The following PRKCA variants were observed in gnomAD, a reference collection of about 807,000 sequenced individuals.
The protein encoded by PRKCA is protein kinase C alpha type.
A neutral mutation model predicts 87.0 loss-of-function variants in PRKCA; 27 were observed. The observed-to-expected ratio is 0.31, with a 90% CI of 0.23 to 0.43. PRKCA has a LOEUF of 0.43. Ranked by LOEUF, PRKCA falls within the 20% of genes least tolerant of loss-of-function variation. The probability of loss-of-function intolerance (pLI) is 1.00; values close to 1 mark genes in which losing one functional copy is unlikely to be tolerated. For missense variants in PRKCA, 518 were observed against 852.3 expected (o/e 0.61, Z 4.88); for synonymous variants, 329 against 311.1 (o/e 1.06, Z -0.61).
At chr17:66,333,810 A>G (rs1192061635) in intron 2 of PRKCA, among the ~76,000 whole-genome samples, 3 of 152,096 alleles carry the variant, frequency 2.0e-5, no homozygotes, top group Non-Finnish European at 2.9e-5. Flanking sequence ...GTAACTTCGG[A>G]GAGTCTTTAG....
At chr17:66,411,858 C>CG (rs201049209) in intron 2 of PRKCA, among the ~76,000 whole-genome samples, 18,838 of 151,452 alleles carry the variant, frequency 0.12, 1,518 homozygotes, top group East Asian at 0.28. Flanking sequence ...AGCAATGGGC[C>CG]GCCTACTTTC....
At chr17:66,380,374 T>C (rs1043426045) in intron 2 of PRKCA, among the ~76,000 whole-genome samples, 1 of 152,152 alleles carries the variant, frequency 6.6e-6, no homozygotes, top group Admixed American at 6.5e-5. Context: ...ATAATTCCCT[T>C]TTCAAAAATG....
intron 2 of PRKCA, among the ~76,000 whole-genome samples, chr17:66,434,303 A>G (rs2143842878): frequency 6.6e-6 from 1 of 152,034 alleles, no homozygotes; most frequent in South Asian, 2.1e-4. Flanking sequence ...TCTTCATTAG[A>G]CTTTACAATG....
chr17:66,394,667 T>C (rs1394455792), intron 2 of PRKCA, among the ~76,000 whole-genome samples: 4 of 152,168 alleles, frequency 2.6e-5, no homozygotes, highest in African/African-American at 9.7e-5. Context: ...TCATCTTGAA[T>C]TGTAATCCCC....
rs117758745 is a variant in PRKCA at position 66,329,087 on chromosome 17, G to A, written c.205+22960G>A. On this transcript the variant is annotated intron_variant, in intron 2 of 16. Coordinates refer to ENST00000413366, the MANE Select transcript of PRKCA (RefSeq NM_002737.3). Reference sequence around the variant, plus strand: ...GCAAGAATGGATGGGGCAGCCTGTTGGGAGGTCTTTCCTCATTCTGGTGAG... The same window carrying A: ...GCAAGAATGGATGGGGCAGCCTGTTAGGAGGTCTTTCCTCATTCTGGTGAG... Among the ~76,000 whole-genome samples, 514 of 152,296 alleles carry A rather than the reference G, an allele frequency of 3.4e-3. 10 individuals carry two copies. The East Asian group carries it at 0.061, about 18-fold the overall frequency.
chr17:66,556,323 C>CTTCT (rs1968493390), intron 3 of PRKCA, among the ~76,000 whole-genome samples: 1 of 129,008 alleles, frequency 7.8e-6, no homozygotes, highest in Non-Finnish European at 1.6e-5. Flanking sequence ...CTTTCTTCTT[C>CTTCT]TTTTTTTTTT....
chr17:66,386,795 C>G (rs996751534), intron 2 of PRKCA, among the ~76,000 whole-genome samples: 1 of 143,420 alleles, frequency 7.0e-6, no homozygotes, highest in South Asian at 2.2e-4. Context: ...CCTCTAAAAG[C>G]CTTTTTTTTT....
At chr17:66,464,325 G>T (rs917892086) in intron 2 of PRKCA, among the ~76,000 whole-genome samples, 2 of 152,148 alleles carry the variant, frequency 1.3e-5, no homozygotes, top group African/African-American at 4.8e-5. Flanking sequence ...TATGAAGAAG[G>T]CTGCCATAAA....
At chr17:66,452,535 C>T (rs965209093) in intron 2 of PRKCA, among the ~76,000 whole-genome samples, 2 of 152,128 alleles carry the variant, frequency 1.3e-5, no homozygotes, top group Non-Finnish European at 2.9e-5. Context: ...CTGAGAACCT[C>T]GAGGAGTGTT....
intron 3 of PRKCA, among the ~76,000 whole-genome samples, chr17:66,501,534 G>A (rs575133522): frequency 1.3e-5 from 2 of 152,320 alleles, no homozygotes; most frequent in East Asian, 3.9e-4. Flanking sequence ...GTTTGCACCC[G>A]GGGCTCAGGC....
chr17:66,471,256 T>A (rs1226761604), intron 2 of PRKCA, among the ~76,000 whole-genome samples: 1 of 152,246 alleles, frequency 6.6e-6, no homozygotes, highest in African/African-American at 2.4e-5. Context: ...AAAGATTGGA[T>A]ACTCTTGCAT....
chr17:66,747,519 C>T (rs1974321770), intron 13 of PRKCA, among the ~76,000 whole-genome samples: 1 of 152,218 alleles, frequency 6.6e-6, no homozygotes, highest in South Asian at 2.1e-4. Flanking sequence ...TGACTTGCCA[C>T]ATGTTAGTAT....
chr17:66,778,337 C>T (rs913158810), intron 14 of PRKCA: 3 of 568,084 alleles, frequency 5.3e-6, no homozygotes, highest in Non-Finnish European at 4.5e-6. Flanking sequence ...CACAGTGAAA[C>T]CCCATCTCTA....
At chr17:66,447,270 G>A (rs955114355) in intron 2 of PRKCA, among the ~76,000 whole-genome samples, 4 of 152,142 alleles carry the variant, frequency 2.6e-5, no homozygotes, top group African/African-American at 9.7e-5. Flanking sequence ...AGAAGGGAGT[G>A]ATTTTTGTAG....
intron 2 of PRKCA, among the ~76,000 whole-genome samples, chr17:66,406,074 A>C (rs568132151): frequency 1.3e-5 from 2 of 152,266 alleles, no homozygotes; most frequent in South Asian, 4.1e-4. Context: ...TAGTGGGTTG[A>C]GTGATGGGAG....
intron 13 of PRKCA, among the ~76,000 whole-genome samples, chr17:66,772,882 GT>G (rs879521050): frequency 1.9e-3 from 287 of 150,806 alleles, no homozygotes; most frequent in African/African-American, 6.5e-3. Flanking sequence ...TTATTGAAGT[GT>G]TTTTTTTTAA....
chr17:66,666,804 T>C (rs1972055468), intron 5 of PRKCA, among the ~76,000 whole-genome samples: 1 of 152,132 alleles, frequency 6.6e-6, no homozygotes, highest in African/African-American at 2.4e-5. Context: ...TAACTCTCCA[T>C]GCCTCTCCAG....
At chr17:66,525,943 T>C (rs900035878) in intron 3 of PRKCA, among the ~76,000 whole-genome samples, 9 of 152,198 alleles carry the variant, frequency 5.9e-5, no homozygotes, top group Admixed American at 6.5e-5. Flanking sequence ...CTAATAATAC[T>C]TCCTATAAAT....
At position 66,742,157 on chromosome 17, in the gene PRKCA, T is replaced by A. The variant is rs117886327; in HGVS notation, c.1385+436T>A. ...AGTCTGGTGCCAAAGAAGGAAGAATTTCTTCCAGTATTAATTGAAGCATAA... is the reference window on the plus strand; with the variant it reads ...AGTCTGGTGCCAAAGAAGGAAGAATATCTTCCAGTATTAATTGAAGCATAA... On this transcript the variant is annotated intron_variant, in intron 12 of 16. Transcript: ENST00000413366. Among the ~76,000 whole-genome samples the A allele has an allele frequency of 7.5e-4, 114 of 152,328 alleles. No individual in the cohort carries two copies. In the East Asian group the frequency reaches 0.021, roughly 28 times the overall value.
Sources: allele counts gnomAD v4.1 joint callset (sites outside exome capture counted in the v4.1 genomes callset), GRCh38; gene constraint gnomAD v4.1.1; transcripts MANE v1.5; gene names NCBI Gene and HGNC (gene_info 2026-07-23, HGNC 2026-07-21).